LPIN3: variants seen among roughly 807,000 people sequenced by gnomAD.
The protein encoded by LPIN3 is lipin 3, also known as phosphatidate phosphatase LPIN3.
In LPIN3, 82 loss-of-function variants were observed where a neutral mutation model predicts 94.7. The ratio of observed to expected loss-of-function variants is 0.87; its 90% CI spans 0.72 to 1.04. The LOEUF is 1.04. Among genes scored for constraint, LPIN3 ranks in the 50% least tolerant of loss-of-function variants. LPIN3 has a pLI of 0.00. For synonymous variants in LPIN3, 418 were observed against 443.3 expected, an observed-to-expected ratio of 0.94 and a Z score of 0.72; for missense variants, 996 against 1,090.5, an observed-to-expected ratio of 0.91 and a Z score of 1.22.
chr20:41,358,386 C>G (rs1292707214), intron 18 of LPIN3, 35 bp downstream of exon 18: 1 of 1,613,132 alleles, frequency 6.2e-7, no homozygotes, highest in Non-Finnish European at 8.5e-7. Context: ...TGAGCCACCT[C>G]TCCCCAGCTG....
rs763752694 is a variant in LPIN3 at position 41,352,264 on chromosome 20, GC to G, written c.1363+47del. The G allele has an allele frequency of 6.8e-6, 11 of 1,608,044 alleles. No individual in the cohort carries two copies. The East Asian group carries it at 2.5e-4, about 36-fold the overall frequency. On this transcript the variant is annotated intron_variant, in intron 9 of 19. Coordinates refer to ENST00000373257, the MANE Select transcript of LPIN3 (RefSeq NM_022896.3). Reference sequence around the variant, plus strand: ...AAGCCCTTTTGAGGGCTGGTGCTGAGCCCAGAGGATGGGGAGGGCAGGGAAG... The same window carrying G: ...AAGCCCTTTTGAGGGCTGGTGCTGAGCCAGAGGATGGGGAGGGCAGGGAAG...
chr20:41,347,746 G>A (rs912065162), intron 3 of LPIN3, 99 bp downstream of exon 3: 16 of 1,045,670 alleles, frequency 1.5e-5, no homozygotes, highest in Middle Eastern at 2.3e-4. Flanking sequence ...GCCCTTCCCC[G>A]GGAGCACCCC....
Position 41,348,876 on chromosome 20 carries a change from A to G in LPIN3, c.546A>G (p.Pro182=), listed in dbSNP as rs2045890536. 6.2e-7 allele frequency: 1 copy of G among 1,604,672 alleles called. No individual in the cohort carries two copies. Among genetic ancestry groups the G allele is most frequent in the African/African-American group, 1.3e-5 (1 of 74,904 alleles). The stretch of plus-strand genomic sequence containing the variant: ...TATCCCTGCCGGAAAAGCTGAGGCC[A>G]GAGCCCCCAGGGTGTGTAAGGACCA... ...SELSLPEKLR[P]EPPGVQLEEK... is the part of the protein sequence containing the mutation. Residue 182 remains proline (P), a synonymous_variant, in exon 4 of 20, where the codon CCA becomes CCG. Coordinates refer to ENST00000373257, the MANE Select transcript of LPIN3 (RefSeq NM_022896.3).
chr20:41,358,413 C>T, intron 18 of LPIN3, 26 bp from the exon 19 acceptor site: 1 of 1,613,696 alleles, frequency 6.2e-7, no homozygotes, highest in Non-Finnish European at 8.5e-7. Flanking sequence ...GGCCTCCATT[C>T]CATGGGCCCC....
intron 17 of LPIN3, 68 bp downstream of exon 17, chr20:41,358,102 G>C: frequency 1.3e-6 from 2 of 1,575,172 alleles, no homozygotes; most frequent in South Asian, 2.4e-5. Context: ...TGCCAGGCCA[G>C]CCTTAGCAGG....
At position 41,350,258 on chromosome 20, in the gene LPIN3, C is replaced by T; in HGVS notation, c.963C>T (p.Leu321=). ...TEDPTLVGPP[L]HTPETEESKT... ...ATCCCACTCTAGTGGGTCCCCCTCTCCACACCCCAGAGACAGAGGAAAGCA... is the reference window on the plus strand; with the variant it reads ...ATCCCACTCTAGTGGGTCCCCCTCTTCACACCCCAGAGACAGAGGAAAGCA... The change falls in exon 7 of 20, where the codon CTC becomes CTT. Residue 321 remains leucine, a synonymous_variant. Transcript: ENST00000373257. 6.2e-7 allele frequency: 1 copy of T among 1,613,888 alleles called. No homozygotes were observed. Among genetic ancestry groups the T allele is most frequent in the Non-Finnish European group, 8.5e-7 (1 of 1,180,014 alleles).
chr20:41,346,239 C>T (rs376909443), intron 2 of LPIN3, among the ~76,000 whole-genome samples: 17 of 152,306 alleles, frequency 1.1e-4, no homozygotes, highest in African/African-American at 3.4e-4. Flanking sequence ...GTGCTGGGGC[C>T]GTCAGACCTG....
Position 41,358,262 on chromosome 20 carries a change from G to A in LPIN3, c.2218G>A (p.Val740Met), listed in dbSNP as rs1205882967. The change falls in exon 18 of 20, where the codon GTG becomes ATG. Residue 740 changes from valine (V) to methionine (M), a missense_variant. Coordinates refer to ENST00000373257, the MANE Select transcript of LPIN3 (RefSeq NM_022896.3). ...AGAGGTGATCGAGAAGAAACCAGAGGTGTTCAAGGTCGCCTGCCTGAGTGA... is the reference window on the plus strand; with the variant it reads ...AGAGGTGATCGAGAAGAAACCAGAGATGTTCAAGGTCGCCTGCCTGAGTGA... ...HREVIEKKPE[V>M]FKVACLSDIQ... is the part of the protein sequence containing the mutation. 6.2e-7 allele frequency: 1 copy of A among 1,614,084 alleles called. No individual in the cohort carries two copies. The highest frequency in any genetic ancestry group is 1.1e-5 in the South Asian group (1 of 91,088).
chr20:41,356,071 G>A lies in LPIN3; in HGVS notation c.1803+37G>A, dbSNP rs772971884. ...TTGTCTGTGTGGAGGTTGGGGAGGG[G>A]CTGAGCTAATTCTGTCTTAGAGTCC... On this transcript the variant is annotated intron_variant, in intron 14 of 19. Transcript: ENST00000373257. The A allele has an allele frequency of 3.7e-6, 6 of 1,605,900 alleles. No individual in the cohort carries two copies. The East Asian group carries it at 1.1e-4, about 30-fold the overall frequency.
Position 41,358,048 on chromosome 20 carries a change from C to A in LPIN3, c.2192+14C>A. ...TGCCCTCCACAGGTAACCACCCCTA[C>A]ACATACAAGCCCGTGGCCCCCTGGT... On this transcript the variant is annotated intron_variant, in intron 17 of 19. Coordinates refer to ENST00000373257, the MANE Select transcript of LPIN3 (RefSeq NM_022896.3). 1.3e-6 allele frequency: 2 copies of A among 1,586,156 alleles called. No homozygotes were observed. The highest frequency in any genetic ancestry group is 2.3e-5 in the South Asian group (2 of 85,576).
In LPIN3 at chr20:41,352,680, G is replaced by A. The variant is rs943508997; in HGVS notation, c.1438G>A (p.Val480Met). The change falls in exon 10 of 20, where the codon GTG becomes ATG. Residue 480 changes from valine (V) to methionine (M), a missense_variant. Transcript: ENST00000373257. Reference sequence around the variant, plus strand: ...CGGACTTTTGGATGACCCAAACCTAGTGGTGAAAATCAATGGAAAGTAAGT... The same window carrying A: ...CGGACTTTTGGATGACCCAAACCTAATGGTGAAAATCAATGGAAAGTAAGT... ...NPGLLDDPNL[V>M]VKINGKHYNW... 2 of 1,614,202 alleles carry A rather than the reference G, an allele frequency of 1.2e-6. No individual in the cohort carries two copies. The highest frequency in any genetic ancestry group is 1.7e-6 in the Non-Finnish European group (2 of 1,180,014).
rs776447845 is a variant in LPIN3 at position 41,349,143 on chromosome 20, C to A, written c.609C>A (p.Tyr203Ter). Residue 203 changes from tyrosine (Y) to a stop codon, truncating the protein, a stop_gained, in exon 5 of 20, where the codon TAC (tyrosine) becomes TAA (stop). Coordinates refer to ENST00000373257, the MANE Select transcript of LPIN3 (RefSeq NM_022896.3). LOFTEE classifies it high-confidence loss of function. ...SSLQPKDIYPYSDGEWPPQAS... is the reference protein window; with the variant it reads ...SSLQPKDIYP ...TGCAGCCCAAAGACATCTACCCCTA[C>A]TCGGATGGCGAGTGGCCCCCCCAGG... 8.7e-6 allele frequency: 14 copies of A among 1,614,090 alleles called. No individual in the cohort carries two copies. Among genetic ancestry groups the A allele is most frequent in the Non-Finnish European group, 1.2e-5 (14 of 1,180,034 alleles).
chr20:41,355,828 T>C lies in LPIN3; in HGVS notation c.1665-68T>C, dbSNP rs1032186029. ...TGGCGGGGACAGGTCCAGCCTCCTC[T>C]TGGCATCTCCCGGGAGTGAAGGCCC... On this transcript the variant is annotated intron_variant, in intron 13 of 19. Transcript: ENST00000373257. The C allele has an allele frequency of 3.1e-6, 5 of 1,587,786 alleles. No homozygotes were observed. The East Asian group carries it at 9.0e-5, about 29-fold the overall frequency.
At chr20:41,356,904 T>C in intron 14 of LPIN3, 136 bp from the exon 15 acceptor site, 3 of 1,065,332 alleles carry the variant, frequency 2.8e-6, no homozygotes, top group Non-Finnish European at 4.1e-6. Context: ...CTCTGATGAA[T>C]CCAAGAAGCA....
intron 7 of LPIN3, 98 bp downstream of exon 7, chr20:41,350,495 G>A: frequency 1.1e-6 from 1 of 937,818 alleles, no homozygotes; most frequent in Non-Finnish European, 1.6e-6. Flanking sequence ...CCTGCTGTGT[G>A]CTAGGTGCTG....
Position 41,350,072 on chromosome 20 carries a change from G to T in LPIN3, c.777G>T (p.Arg259=). 6.2e-7 allele frequency: 1 copy of T among 1,602,198 alleles called. No individual in the cohort carries two copies. Among genetic ancestry groups the T allele is most frequent in the South Asian group, 1.1e-5 (1 of 89,622 alleles). Residue 259 remains arginine (R), a synonymous_variant, in exon 7 of 20, where the codon CGG becomes CGT. Coordinates refer to ENST00000373257, the MANE Select transcript of LPIN3 (RefSeq NM_022896.3). ...GRLPKVARAE[R]PESSVVLEGR... is the part of the protein sequence containing the mutation. ...CACTAAAGGTGGCCAGAGCTGAGCG[G>T]CCCGAGTCCTCAGTGGTCCTTGAAG...
Position 41,357,051 on chromosome 20 carries a change from C to T in LPIN3, c.1815C>T (p.Asn605=). 6.2e-7 allele frequency: 1 copy of T among 1,612,490 alleles called. No individual in the cohort carries two copies. Among genetic ancestry groups the T allele is most frequent in the Non-Finnish European group, 8.5e-7 (1 of 1,178,652 alleles). Reference sequence around the variant, plus strand: ...TTGTCTGGCCTCAGCGGCGCCTGAACCTGCAAGAAGGTGCCAATGATGTGG... The same window carrying T: ...TTGTCTGGCCTCAGCGGCGCCTGAATCTGCAAGAAGGTGCCAATGATGTGG... ...RLSSDQIRRL[N]LQEGANDVVF... The change falls in exon 15 of 20, where the codon AAC becomes AAT. Residue 605 remains asparagine, a synonymous_variant. Coordinates refer to ENST00000373257, the MANE Select transcript of LPIN3 (RefSeq NM_022896.3).
At position 41,358,027 on chromosome 20, in the gene LPIN3, C is replaced by T. The variant is rs2046275454; in HGVS notation, c.2185C>T (p.Leu729Phe). Residue 729 changes from leucine (L) to phenylalanine (F), a missense_variant, in exon 17 of 20, where the codon CTC (leucine) becomes TTC (phenylalanine). Leu to Phe is a conservative substitution (Grantham distance 22, BLOSUM62 0). Coordinates refer to ENST00000373257, the MANE Select transcript of LPIN3 (RefSeq NM_022896.3). ...LLSPSSLFSA[L>F]HREVIEKKPE... Reference sequence around the variant, plus strand: ...GTCTCCCAGCAGCCTCTTCTCTGCCCTCCACAGGTAACCACCCCTACACAT... The same window carrying T: ...GTCTCCCAGCAGCCTCTTCTCTGCCTTCCACAGGTAACCACCCCTACACAT... 6.2e-7 allele frequency: 1 copy of T among 1,601,934 alleles called. No homozygotes were observed. The highest frequency in any genetic ancestry group is 2.2e-5 in the East Asian group (1 of 44,810).
chr20:41,349,730 G>A (rs1320807446), intron 5 of LPIN3, 44 bp from the exon 6 acceptor site: 1 of 1,577,954 alleles, frequency 6.3e-7, no homozygotes, highest in Non-Finnish European at 8.6e-7. Flanking sequence ...GCAGCAGCGG[G>A]GATGGGTAGG....
Sources: gnomAD v4.1 joint callset for allele counts (sites outside exome capture counted in the v4.1 genomes callset) on GRCh38, gnomAD v4.1.1 for gene constraint, MANE v1.5 for transcripts, NCBI Gene and HGNC (gene_info 2026-07-23, HGNC 2026-07-21) for gene names.